Variants in MOSMO observed in about 807,000 individuals in gnomAD.
The protein encoded by MOSMO is modulator of smoothened protein.
A neutral mutation model predicts 18.4 loss-of-function variants in MOSMO; 5 were observed. That is an observed-to-expected ratio of 0.27 (90% confidence interval 0.14 to 0.57). MOSMO has a LOEUF of 0.57. Ranked by LOEUF, MOSMO falls within the 20% of genes least tolerant of loss-of-function variation. MOSMO has a pLI of 0.92. For synonymous variants in MOSMO, 82 were observed against 82.3 expected (o/e 1.00, Z 0.02); for missense variants, 138 against 211.8 (o/e 0.65, Z 2.16).
At chr16:22,058,393 T>C (rs1165193172) in intron 1 of MOSMO, among the ~76,000 whole-genome samples, 2 of 147,796 alleles carry the variant, frequency 1.4e-5, no homozygotes, top group Non-Finnish European at 3.0e-5. Context: ...GCCACTGCTC[T>C]CTAGCCTGGG....
chr16:22,043,242 G>A (rs1395732028), intron 1 of MOSMO, among the ~76,000 whole-genome samples: 1 of 152,154 alleles, frequency 6.6e-6, no homozygotes, highest in Non-Finnish European at 1.5e-5. Flanking sequence ...TATTCTTCAT[G>A]AGGACAGATA....
chr16:22,088,031 A>G (rs1380950413), downstream of MOSMO, among the ~76,000 whole-genome samples: 1 of 151,066 alleles, frequency 6.6e-6, no homozygotes, highest in Non-Finnish European at 1.5e-5. Context: ...TATACCTGCC[A>G]CTGCTTTTTT....
chr16:22,053,058 G>A (rs1329101149), intron 1 of MOSMO, among the ~76,000 whole-genome samples: 1 of 149,206 alleles, frequency 6.7e-6, no homozygotes, highest in Non-Finnish European at 1.5e-5. Flanking sequence ...AGGTTCAAGC[G>A]ATTCTCTTGC....
chr16:22,057,154 C>A (rs1598016927), intron 1 of MOSMO, among the ~76,000 whole-genome samples: 1 of 152,092 alleles, frequency 6.6e-6, no homozygotes, highest in Non-Finnish European at 1.5e-5. Context: ...TGTCTTTATT[C>A]ATTTTTTGTT....
At chr16:22,064,788 A>G (rs966794158) in intron 1 of MOSMO, among the ~76,000 whole-genome samples, 2 of 152,170 alleles carry the variant, frequency 1.3e-5, no homozygotes. Flanking sequence ...CTTAGATAAG[A>G]CAGAGTAAAA....
chr16:22,008,338 C>T lies in MOSMO; in HGVS notation c.37C>T (p.Leu13=). The T allele has an allele frequency of 1.3e-6, 2 of 1,533,762 alleles. No homozygotes were observed. The highest frequency in any genetic ancestry group is 1.7e-6 in the Non-Finnish European group (2 of 1,145,984). ...GACCATCATCTCAGGATGTCTCTTT[C>T]TGGCCGCCGATATCTTCGCCATCGC... ...KLTIISGCLF[L]AADIFAIASI... The change falls in exon 1 of 3, where the codon CTG becomes TTG. Residue 13 remains leucine, a synonymous_variant. Transcript: ENST00000542527.
chr16:22,074,340 C>CGG (rs1036313976), intron 1 of MOSMO, among the ~76,000 whole-genome samples: 1 of 152,106 alleles, frequency 6.6e-6, no homozygotes, highest in Non-Finnish European at 1.5e-5. Context: ...AAGGCCAAGG[C>CGG]GGGAGGATCG....
At position 22,008,202 on chromosome 16, in the gene MOSMO, C is replaced by A; in HGVS notation, c.-100C>A. 2 of 422,836 alleles carry A rather than the reference C, an allele frequency of 4.7e-6. No individual in the cohort carries two copies. The highest frequency in any genetic ancestry group is 6.8e-6 in the Non-Finnish European group (2 of 294,600). The allele number at this position is 422,836 out of a possible 1,614,324, so 26.2% of individuals were successfully genotyped here. ...CGGGGGCCGAGGGGGCGCGAGGCAGCGGCGCGGGGACTCCGGGCCCCGGCG... is the reference window on the plus strand; with the variant it reads ...CGGGGGCCGAGGGGGCGCGAGGCAGAGGCGCGGGGACTCCGGGCCCCGGCG... On this transcript the variant is annotated 5_prime_UTR_variant, in exon 1 of 3. Coordinates refer to ENST00000542527, the MANE Select transcript of MOSMO (RefSeq NM_001164579.2).
At chr16:22,059,357 C>T (rs1043483334) in intron 1 of MOSMO, among the ~76,000 whole-genome samples, 2 of 152,166 alleles carry the variant, frequency 1.3e-5, no homozygotes, top group African/African-American at 4.8e-5. Flanking sequence ...TGTTGGGCAT[C>T]TCTCAGAGAC....
chr16:22,013,755 T>G (rs1333420616), intron 1 of MOSMO, among the ~76,000 whole-genome samples: 1 of 152,096 alleles, frequency 6.6e-6, no homozygotes, highest in Non-Finnish European at 1.5e-5. Flanking sequence ...CGTCAAAATT[T>G]CCCTAAAGTG....
intron 1 of MOSMO, among the ~76,000 whole-genome samples, chr16:22,061,453 C>T (rs530601494): frequency 3.3e-5 from 5 of 152,160 alleles, no homozygotes; most frequent in African/African-American, 4.8e-5. Context: ...TAATCCCACA[C>T]GACTGCACAA....
At chr16:22,074,746 A>C (rs965898348) in intron 1 of MOSMO, among the ~76,000 whole-genome samples, 1 of 152,308 alleles carries the variant, frequency 6.6e-6, no homozygotes, top group East Asian at 1.9e-4. Context: ...ATGGGGAGAG[A>C]CACTTTAAGA....
chr16:22,076,736 A>G (rs188434361), intron 2 of MOSMO, among the ~76,000 whole-genome samples: 2 of 152,362 alleles, frequency 1.3e-5, no homozygotes, highest in African/African-American at 4.8e-5. Flanking sequence ...TTAATGTTAA[A>G]ACTCAGTTTA....
At chr16:22,054,101 T>G (rs552449497) in intron 1 of MOSMO, among the ~76,000 whole-genome samples, 22 of 152,096 alleles carry the variant, frequency 1.4e-4, no homozygotes, top group Middle Eastern at 6.8e-3. Context: ...CTTTTTTTTT[T>G]TTGTTTCATT....
At chr16:22,030,966 C>G (rs1413001470) in intron 1 of MOSMO, among the ~76,000 whole-genome samples, 1 of 152,132 alleles carries the variant, frequency 6.6e-6, no homozygotes, top group Non-Finnish European at 1.5e-5. Flanking sequence ...ATAAATAAGA[C>G]CCAGTTTTAG....
intron 1 of MOSMO, among the ~76,000 whole-genome samples, chr16:22,068,973 G>T (rs559390992): frequency 1.3e-5 from 2 of 152,276 alleles, no homozygotes; most frequent in South Asian, 4.1e-4. Flanking sequence ...TTCAGATGCT[G>T]CCCCCAATGC....
chr16:22,008,557 G>A (rs1390873401), intron 1 of MOSMO, 150 bp downstream of exon 1: 7 of 562,920 alleles, frequency 1.2e-5, no homozygotes, highest in Non-Finnish European at 2.2e-5. Flanking sequence ...CCGGGCCGCG[G>A]AGGAAAGGGA....
At chr16:22,052,732 C>CA (rs1900450607) in intron 1 of MOSMO, among the ~76,000 whole-genome samples, 1 of 151,990 alleles carries the variant, frequency 6.6e-6, no homozygotes, top group Non-Finnish European at 1.5e-5. Context: ...TGGAAACATA[C>CA]ATGTAATAAG....
At chr16:22,020,638 T>C (rs1477146005) in intron 1 of MOSMO, among the ~76,000 whole-genome samples, 1 of 152,206 alleles carries the variant, frequency 6.6e-6, no homozygotes, top group Non-Finnish European at 1.5e-5. Context: ...GTAGGTTGTT[T>C]TGTTGATTCT....
Sources: gnomAD v4.1 joint callset for allele counts (sites outside exome capture counted in the v4.1 genomes callset) on GRCh38, gnomAD v4.1.1 for gene constraint, MANE v1.5 for transcripts, NCBI Gene and HGNC (gene_info 2026-07-23, HGNC 2026-07-21) for gene names.